Variants in HDDC2 observed in about 807,000 individuals in gnomAD.
HDDC2 encodes the protein HD domain containing 2, also known as 5'-deoxynucleotidase HDDC2.
In HDDC2, 25 loss-of-function variants were observed where a neutral mutation model predicts 25.5. The ratio of observed to expected loss-of-function variants is 0.98; its 90% confidence interval spans 0.72 to 1.37. The LOEUF (loss-of-function observed/expected upper bound fraction) is 1.37. Among genes scored for constraint, HDDC2 ranks in the 40% most tolerant of loss-of-function variants. HDDC2 has a pLI of 0.00. For synonymous variants in HDDC2, 106 were observed against 89.7 expected (o/e 1.18, Z -1.03); for missense variants, 264 against 253.1 (o/e 1.04, Z -0.29).
At chr6:125,294,682 G>A (rs1012903554) in intron 3 of HDDC2, among the ~76,000 whole-genome samples, 1 of 152,152 alleles carries the variant, frequency 6.6e-6, no homozygotes, top group Non-Finnish European at 1.5e-5. Context: ...GTCCTGCTCT[G>A]ACAGGAGACT....
At position 125,300,168 on chromosome 6, in the gene HDDC2, A is replaced by C. The variant is rs557833497; in HGVS notation, c.206+370T>G. ...TTTCTCAGCTATGTCTTGCACACACAACTCCAAAAGGAAGCCTCACGAATG... is the reference window on the plus strand; with the variant it reads ...TTTCTCAGCTATGTCTTGCACACACCACTCCAAAAGGAAGCCTCACGAATG... On this transcript the variant is annotated intron_variant, in intron 2 of 5. Transcript: ENST00000398153. 28 of 168,682 alleles carry C rather than the reference A, an allele frequency of 1.7e-4. No homozygotes were observed. In the South Asian group the frequency reaches 4.4e-3, roughly 27 times the overall value. The allele number at this position is 168,682 out of a possible 1,614,324, so 10.4% of individuals were successfully genotyped here.
chr6:125,281,876 GCAACCCCAA>G (rs1404591602), intron 4 of HDDC2, among the ~76,000 whole-genome samples: 8 of 152,236 alleles, frequency 5.3e-5, no homozygotes, highest in African/African-American at 1.9e-4. Context: ...CTCAAGAAGA[GCAACCCCAA>G]GACACATAAT....
rs141537885 is a variant in HDDC2 at position 125,292,428 on chromosome 6, A to G, written c.378+413T>C. 6.7e-3 allele frequency among the ~76,000 whole-genome samples: 1,013 copies of G among 152,218 alleles called. 9 individuals are homozygous for G. Among genetic ancestry groups the G allele is most frequent in the South Asian group, 0.02 (97 of 4,816 alleles). ...CTTCACCTTGACCTCATCCAACCCTAGCAACCCTCCAGGGTCTTACAGATG... is the reference window on the plus strand; with the variant it reads ...CTTCACCTTGACCTCATCCAACCCTGGCAACCCTCCAGGGTCTTACAGATG... On this transcript the variant is annotated intron_variant, in intron 4 of 5. Coordinates refer to ENST00000398153, the MANE Select transcript of HDDC2 (RefSeq NM_016063.3).
intron 4 of HDDC2, among the ~76,000 whole-genome samples, chr6:125,292,453 G>C (rs1798645957): frequency 1.3e-5 from 2 of 152,106 alleles, no homozygotes; most frequent in African/African-American, 4.8e-5. Context: ...TCTTACAGAT[G>C]AGCAACAGAC....
chr6:125,292,070 G>A (rs753925060), intron 4 of HDDC2, among the ~76,000 whole-genome samples: 3 of 152,128 alleles, frequency 2.0e-5, no homozygotes, highest in Non-Finnish European at 2.9e-5. Flanking sequence ...CTTTAAGACA[G>A]GAGGATGAAT....
chr6:125,294,853 C>A (rs554952560), intron 3 of HDDC2, among the ~76,000 whole-genome samples: 1 of 152,264 alleles, frequency 6.6e-6, no homozygotes, highest in Admixed American at 6.5e-5. Flanking sequence ...TGATCACATC[C>A]AATTACTAAG....
intron 4 of HDDC2, 147 bp from the exon 5 acceptor site, chr6:125,277,387 CAG>C: frequency 7.3e-6 from 5 of 683,640 alleles, no homozygotes; most frequent in Non-Finnish European, 1.2e-5. Context: ...AGAAATCCAT[CAG>C]AGACACTTCT....
chr6:125,286,241 T>C (rs549454167), intron 4 of HDDC2, among the ~76,000 whole-genome samples: 7 of 152,184 alleles, frequency 4.6e-5, no homozygotes, highest in Non-Finnish European at 2.9e-5. Flanking sequence ...TATGGTTACT[T>C]GTAGAAGTAA....
intron 5 of HDDC2, 71 bp from the exon 6 acceptor site, chr6:125,276,314 G>T: frequency 8.5e-7 from 1 of 1,171,964 alleles, no homozygotes; most frequent in Non-Finnish European, 1.3e-6. Context: ...TCCCCAGCTT[G>T]ATCCCAGGGT....
intron 4 of HDDC2, among the ~76,000 whole-genome samples, chr6:125,279,877 G>C (rs1234668084): frequency 6.6e-6 from 1 of 152,168 alleles, no homozygotes; most frequent in Non-Finnish European, 1.5e-5. Context: ...ATTTTAAAAA[G>C]AGAACTCGAA....
At chr6:125,288,569 G>A (rs1401361485) in intron 4 of HDDC2, among the ~76,000 whole-genome samples, 1 of 152,056 alleles carries the variant, frequency 6.6e-6, no homozygotes, top group Non-Finnish European at 1.5e-5. Context: ...TAAACATTTC[G>A]CAACCTACTC....
At chr6:125,285,417 G>T (rs760778455) in intron 4 of HDDC2, among the ~76,000 whole-genome samples, 3 of 152,044 alleles carry the variant, frequency 2.0e-5, no homozygotes, top group African/African-American at 7.2e-5. Flanking sequence ...GAACGCAAGG[G>T]TACACAAGGA....
At chr6:125,298,546 G>A in intron 3 of HDDC2, 168 bp downstream of exon 3, 1 of 614,976 alleles carries the variant, frequency 1.6e-6, no homozygotes, top group Non-Finnish European at 2.9e-6. Flanking sequence ...CTCCAGCCCA[G>A]GCCCTGAATC....
rs771056780 is a variant in HDDC2, at chr6:125,301,934, CG to C, written c.-3del. 10 of 1,547,672 alleles carry C rather than the reference CG, an allele frequency of 6.5e-6. No individual in the cohort carries two copies. Among genetic ancestry groups the C allele is most frequent in the Non-Finnish European group, 4.4e-6 (5 of 1,147,920 alleles). On this transcript the variant is annotated 5_prime_UTR_variant, in exon 1 of 6. Transcript: ENST00000398153. ...GGTCGCAGAGGAGACCGAAGCCATG[CG>C]GCCACCGACCCCGGCTGGGCGGAGC... is the stretch of plus-strand genomic sequence containing the variant.
intron 1 of HDDC2, 58 bp from the exon 2 acceptor site, chr6:125,300,717 T>C: frequency 6.5e-7 from 1 of 1,543,012 alleles, no homozygotes; most frequent in East Asian, 2.2e-5. Flanking sequence ...CTATCTGCTA[T>C]GCTCTTCAAG....
chr6:125,285,206 C>T (rs1798512984), intron 4 of HDDC2, among the ~76,000 whole-genome samples: 1 of 151,920 alleles, frequency 6.6e-6, no homozygotes, highest in Admixed American at 6.6e-5. Context: ...GGAGAAATAC[C>T]TAATGTAGAT....
intron 4 of HDDC2, chr6:125,279,524 T>C (rs1399618177): frequency 6.6e-6 from 1 of 152,110 alleles, no homozygotes; most frequent in Non-Finnish European, 1.5e-5. Flanking sequence ...AAGTTAAAAA[T>C]GCAACTTGTT....
At chr6:125,289,524 CA>C (rs1373007997) in intron 4 of HDDC2, among the ~76,000 whole-genome samples, 9 of 126,340 alleles carry the variant, frequency 7.1e-5, no homozygotes, top group Non-Finnish European at 1.0e-4. Flanking sequence ...ACAAAAAAAA[CA>C]AAAAAAAAAC....
At chr6:125,301,166 G>A (rs950963194) in intron 1 of HDDC2, among the ~76,000 whole-genome samples, 11 of 152,132 alleles carry the variant, frequency 7.2e-5, no homozygotes, top group Non-Finnish European at 5.9e-5. Flanking sequence ...TTGTGAAACT[G>A]CATTTCTTCC....
Sources: gnomAD v4.1 joint callset for allele counts (sites outside exome capture counted in the v4.1 genomes callset) on GRCh38, gnomAD v4.1.1 for gene constraint, MANE v1.5 for transcripts, NCBI Gene and HGNC (gene_info 2026-07-23, HGNC 2026-07-21) for gene names.